The following PCDHA7 variants were observed in gnomAD, a reference collection of about 807,000 sequenced individuals.
The protein encoded by PCDHA7 is protocadherin alpha 7.
Under a neutral mutation model 57.2 loss-of-function variants are expected in PCDHA7, and 37 were observed. The ratio of observed to expected loss-of-function variants is 0.65; its 90% confidence interval spans 0.50 to 0.85. PCDHA7 has a LOEUF of 0.85. Ranked by LOEUF, PCDHA7 falls within the 40% of genes least tolerant of loss-of-function variation. PCDHA7 has a pLI of 0.00. For synonymous variants in PCDHA7, 553 were observed against 558.8 expected, an observed-to-expected ratio of 0.99 and a Z score of 0.15; for missense variants, 1,188 against 1,241.8, an observed-to-expected ratio of 0.96 and a Z score of 0.65.
rs537764090 is a variant in PCDHA7 at position 140,925,273 on chromosome 5, AT to A, written c.2356-53672del. Reference sequence around the variant, plus strand: ...ACTTTAATTCTTGATCTGTGTTCAGATTTTGCCTTTCAAATGTTTCATTATT... The same window carrying A: ...ACTTTAATTCTTGATCTGTGTTCAGATTTGCCTTTCAAATGTTTCATTATT... On this transcript the variant is annotated intron_variant, in intron 1 of 3. Transcript: ENST00000525929. Among the ~76,000 whole-genome samples, 1,221 of 152,228 alleles carry A rather than the reference AT, an allele frequency of 8.0e-3. 6 individuals are homozygous for A. Among genetic ancestry groups the A allele is most frequent in the African/African-American group, 0.019 (789 of 41,534 alleles).
At chr5:140,977,379 C>T (rs921133722) in intron 1 of PCDHA7, among the ~76,000 whole-genome samples, 4 of 152,134 alleles carry the variant, frequency 2.6e-5, no homozygotes, top group African/African-American at 2.4e-5. Flanking sequence ...AGTCATATTT[C>T]CAGGTTTATA....
intron 1 of PCDHA7, among the ~76,000 whole-genome samples, chr5:140,978,584 C>G (rs2096810786): frequency 6.6e-6 from 1 of 152,186 alleles, no homozygotes; most frequent in African/African-American, 2.4e-5. Flanking sequence ...TGGGAATGTT[C>G]CCTTAATGGG....
intron 1 of PCDHA7, among the ~76,000 whole-genome samples, chr5:140,896,143 T>C (rs932166066): frequency 2.6e-5 from 4 of 152,198 alleles, no homozygotes; most frequent in Non-Finnish European, 5.9e-5. Context: ...CAGTGCACCA[T>C]TGATGGGCAT....
In PCDHA7 at chr5:140,843,412, C is replaced by G. The variant is rs2150359416; in HGVS notation, c.2355+6674C>G. On this transcript the variant is annotated intron_variant, in intron 1 of 3. Transcript: ENST00000525929. ...CGGAAGCGGCGCTGGTGGATGTCAA[C>G]GTGTACCTGATCATCGCCATCTGCG... is the stretch of plus-strand genomic sequence containing the variant. 36 of 1,595,950 alleles carry G rather than the reference C, an allele frequency of 2.3e-5. 4 individuals carry two copies. The highest frequency in any genetic ancestry group is 6.6e-5 in the South Asian group (6 of 90,510).
chr5:141,006,974 G>A (rs782657772), intron 3 of PCDHA7, among the ~76,000 whole-genome samples: 6 of 152,174 alleles, frequency 3.9e-5, no homozygotes, highest in Admixed American at 3.9e-4. Context: ...GGAGCACAGA[G>A]AGATGTGGGC....
chr5:141,000,279 G>A (rs528257063), intron 3 of PCDHA7, among the ~76,000 whole-genome samples: 60 of 151,092 alleles, frequency 4.0e-4, no homozygotes, highest in Middle Eastern at 3.4e-3. Context: ...GGAGGCAGAG[G>A]TGGGAATATT....
At chr5:140,888,487 A>G (rs2061843954) in intron 1 of PCDHA7, among the ~76,000 whole-genome samples, 1 of 152,162 alleles carries the variant, frequency 6.6e-6, no homozygotes, top group Admixed American at 6.5e-5. Context: ...CTGTTGAGAA[A>G]CTCTGCTTTA....
intron 1 of PCDHA7, among the ~76,000 whole-genome samples, chr5:140,959,366 C>A (rs1257331462): frequency 1.3e-5 from 2 of 151,552 alleles, no homozygotes; most frequent in African/African-American, 4.8e-5. Flanking sequence ...TGAGTGAGAC[C>A]CTGTCTCAAA....
In PCDHA7 at chr5:140,850,694, G is replaced by A. The variant is rs2150494629; in HGVS notation, c.2355+13956G>A. ...CGATGCCCACCGAGGGCGAGTGCGC[G>A]CCTGGCAAGCCGACGCTGGTGTGTT... On this transcript the variant is annotated intron_variant, in intron 1 of 3. Coordinates refer to ENST00000525929, the MANE Select transcript of PCDHA7 (RefSeq NM_018910.3). 483 of 1,598,228 alleles carry A rather than the reference G, an allele frequency of 3.0e-4. 44 individuals are homozygous for A. Among genetic ancestry groups the A allele is most frequent in the Non-Finnish European group, 3.8e-4 (449 of 1,167,808 alleles).
chr5:140,895,225 G>A (rs1472993401), intron 1 of PCDHA7, among the ~76,000 whole-genome samples: 1 of 152,050 alleles, frequency 6.6e-6, no homozygotes, highest in African/African-American at 2.4e-5. Flanking sequence ...ATTTTACTGA[G>A]TTTTCTCATC....
intron 1 of PCDHA7, chr5:140,967,806 G>A (rs1406839046): frequency 8.1e-6 from 13 of 1,614,180 alleles, no homozygotes; most frequent in Non-Finnish European, 1.1e-5. Flanking sequence ...CCCATGGCAG[G>A]TCACTGCAAG....
At chr5:140,883,237 T>C in intron 1 of PCDHA7, 2 of 1,614,044 alleles carry the variant, frequency 1.2e-6, no homozygotes, top group Non-Finnish European at 1.7e-6. Context: ...TGGAGGCAGT[T>C]GACAAAGGAA....
At chr5:140,837,594 T>C (rs910412595) in intron 1 of PCDHA7, among the ~76,000 whole-genome samples, 2 of 151,720 alleles carry the variant, frequency 1.3e-5, no homozygotes, top group Admixed American at 6.6e-5. Flanking sequence ...AAATCGCCAA[T>C]ATATATATTT....
At chr5:140,967,141 G>T in intron 1 of PCDHA7, 2 of 1,611,258 alleles carry the variant, frequency 1.2e-6, no homozygotes, top group South Asian at 1.1e-5. Flanking sequence ...AAGTGCTGGC[G>T]CACAACCCCG....
chr5:140,969,254 A>G (rs781854163), intron 1 of PCDHA7: 2 of 1,614,242 alleles, frequency 1.2e-6, no homozygotes, highest in Non-Finnish European at 1.7e-6. Context: ...GACTGACAGC[A>G]GGAATCTCAC....
chr5:140,870,106 G>A, intron 1 of PCDHA7: 3 of 1,613,922 alleles, frequency 1.9e-6, no homozygotes, highest in Non-Finnish European at 2.5e-6. Context: ...TCACTGTACA[G>A]TCTGGGTGGA....
rs782807362 is a variant in PCDHA7 at position 140,884,482 on chromosome 5, T to G, written c.2355+47744T>G. ...GCGCGTGCGCGCCGGGCAAGCCCACTCTAGTGTGCTCCAGCGCGGCAGGGA... is the reference window on the plus strand; with the variant it reads ...GCGCGTGCGCGCCGGGCAAGCCCACGCTAGTGTGCTCCAGCGCGGCAGGGA... On this transcript the variant is annotated intron_variant, in intron 1 of 3. Transcript: ENST00000525929. 1.6e-5 allele frequency: 26 copies of G among 1,613,830 alleles called. No homozygotes were observed. In the East Asian group the frequency reaches 4.5e-4, roughly 28 times the overall value.
At position 140,965,675 on chromosome 5, in the gene PCDHA7, A is replaced by G. The variant is rs1049081993; in HGVS notation, c.2356-13274A>G. ...AAATGTCTTGGGTGATAAATGTAAA[A>G]GATTTGAAGCAAGATTAGAAAAAGC... On this transcript the variant is annotated intron_variant, in intron 1 of 3. Transcript: ENST00000525929. Among the ~76,000 whole-genome samples, 4 of 152,350 alleles carry G rather than the reference A, an allele frequency of 2.6e-5. No homozygotes were observed. The East Asian group carries it at 7.7e-4, about 29-fold the overall frequency.
chr5:140,858,790 A>G, intron 1 of PCDHA7: 1 of 388,116 alleles, frequency 2.6e-6, no homozygotes, highest in Non-Finnish European at 4.7e-6. Context: ...ATGTTATTTC[A>G]TTTCCAATCT....
Sources: gnomAD v4.1 joint callset for allele counts (sites outside exome capture counted in the v4.1 genomes callset) on GRCh38, gnomAD v4.1.1 for gene constraint, MANE v1.5 for transcripts, NCBI Gene and HGNC (gene_info 2026-07-23, HGNC 2026-07-21) for gene names.